Variants in ZFPM2 observed in about 807,000 individuals in gnomAD.
ZFPM2 encodes the protein zinc finger protein ZFPM2.
A neutral mutation model predicts 98.6 loss-of-function variants in ZFPM2; 20 were observed. That is an observed-to-expected ratio of 0.20 (90% CI 0.14 to 0.29). ZFPM2 has a LOEUF of 0.29. ZFPM2 is among the 10% of genes least tolerant of loss of function. ZFPM2 has a pLI of 1.00. For missense variants in ZFPM2, 1,310 were observed against 1,388.6 expected (o/e 0.94, Z 0.90); for synonymous variants, 518 against 502.7 (o/e 1.03, Z -0.41).
intron 5 of ZFPM2, among the ~76,000 whole-genome samples, chr8:105,727,437 A>G (rs1811838413): frequency 2.0e-5 from 3 of 151,832 alleles, no homozygotes; most frequent in African/African-American, 7.2e-5. Context: ...CTACTATGGT[A>G]ATTAATTGCT....
At chr8:105,463,436 A>G (rs1812739827) in intron 3 of ZFPM2, among the ~76,000 whole-genome samples, 1 of 151,814 alleles carries the variant, frequency 6.6e-6, no homozygotes, top group African/African-American at 2.4e-5. Flanking sequence ...TTTGTGTTAC[A>G]TGCTCTTTGA....
chr8:105,527,017 G>T (rs1198416453), intron 3 of ZFPM2, among the ~76,000 whole-genome samples: 1 of 152,020 alleles, frequency 6.6e-6, no homozygotes, highest in African/African-American at 2.4e-5. Context: ...TATTTCCTAG[G>T]GTTGTTATGA....
chr8:105,798,979 C>T (rs1251951329), intron 7 of ZFPM2, 31 bp downstream of exon 7: 3 of 1,545,294 alleles, frequency 1.9e-6, no homozygotes, highest in East Asian at 2.2e-5. Flanking sequence ...TTCTGTTGCT[C>T]CAGAAGACTC....
chr8:105,558,364 G>A (rs772872480), intron 3 of ZFPM2, among the ~76,000 whole-genome samples: 31 of 152,082 alleles, frequency 2.0e-4, no homozygotes, highest in Admixed American at 2.6e-4. Flanking sequence ...TAACTTGTTG[G>A]CAAGCAAGAA....
At chr8:105,680,545 C>T (rs1161644304) in intron 5 of ZFPM2, among the ~76,000 whole-genome samples, 1 of 152,140 alleles carries the variant, frequency 6.6e-6, no homozygotes, top group East Asian at 1.9e-4. Flanking sequence ...TAATTCATCT[C>T]TTTACTATCT....
At chr8:105,380,520 A>G (rs932998750) in intron 1 of ZFPM2, among the ~76,000 whole-genome samples, 3 of 139,888 alleles carry the variant, frequency 2.1e-5, no homozygotes, top group African/African-American at 8.0e-5. Context: ...ACTACTACAT[A>G]TGCACACCCG....
In ZFPM2 at chr8:105,331,962, C is replaced by A. The variant is rs146574279; in HGVS notation, c.40+12981C>A. Among the ~76,000 whole-genome samples the A allele has an allele frequency of 1.1e-3, 164 of 151,864 alleles. 1 individual carries two copies. The highest frequency in any genetic ancestry group is 3.8e-3 in the African/African-American group (159 of 41,506). Reference sequence around the variant, plus strand: ...TAATACCTAAACTTTTGATCATGGACTACCAGATCTGTTCCTTATGTCTGA... The same window carrying A: ...TAATACCTAAACTTTTGATCATGGAATACCAGATCTGTTCCTTATGTCTGA... On this transcript the variant is annotated intron_variant, in intron 1 of 7. Coordinates refer to ENST00000407775, the MANE Select transcript of ZFPM2 (RefSeq NM_012082.4).
chr8:105,405,742 G>A (rs979354558), intron 1 of ZFPM2, among the ~76,000 whole-genome samples: 5 of 152,028 alleles, frequency 3.3e-5, no homozygotes, highest in African/African-American at 9.7e-5. Flanking sequence ...ATAAACATAT[G>A]TGTGCATGTG....
At chr8:105,450,322 G>A (rs771887809) in intron 3 of ZFPM2, among the ~76,000 whole-genome samples, 3 of 152,092 alleles carry the variant, frequency 2.0e-5, no homozygotes, top group Non-Finnish European at 2.9e-5. Context: ...TCCAAAGAAG[G>A]GCTTGAAGAT....
chr8:105,654,509 G>T (rs1317132034), intron 5 of ZFPM2, among the ~76,000 whole-genome samples: 1 of 152,132 alleles, frequency 6.6e-6, no homozygotes, highest in Non-Finnish European at 1.5e-5. Context: ...TGGATTTGAA[G>T]TTTTGTGCCG....
intron 1 of ZFPM2, among the ~76,000 whole-genome samples, chr8:105,394,513 A>G (rs1180306587): frequency 6.6e-6 from 1 of 152,222 alleles, no homozygotes; most frequent in Non-Finnish European, 1.5e-5. Flanking sequence ...CACTGTATAG[A>G]ATGTAATTCA....
intron 5 of ZFPM2, among the ~76,000 whole-genome samples, chr8:105,660,565 A>G (rs1330643444): frequency 2.6e-5 from 4 of 152,238 alleles, no homozygotes; most frequent in African/African-American, 4.8e-5. Context: ...ATATTTGCAC[A>G]TATACACATG....
At chr8:105,547,979 A>G (rs553803780) in intron 3 of ZFPM2, among the ~76,000 whole-genome samples, 1 of 151,572 alleles carries the variant, frequency 6.6e-6, no homozygotes, top group South Asian at 2.1e-4. Flanking sequence ...AACCATGTGA[A>G]GTTTTGGTTT....
chr8:105,456,156 G>T (rs6469003), intron 3 of ZFPM2, among the ~76,000 whole-genome samples: 21,917 of 63,932 alleles, frequency 0.34, 3,403 homozygotes, highest in East Asian at 0.45. Context: ...GTTTTTTTTT[G>T]TTTGTTTGTT....
intron 4 of ZFPM2, among the ~76,000 whole-genome samples, chr8:105,599,153 C>T (rs1424887612): frequency 2.6e-5 from 4 of 152,044 alleles, no homozygotes; most frequent in African/African-American, 7.2e-5. Context: ...CCACCTTGCT[C>T]TCTTGAAATG....
chr8:105,438,776 C>A (rs570733988), intron 2 of ZFPM2, among the ~76,000 whole-genome samples: 3 of 152,286 alleles, frequency 2.0e-5, no homozygotes, highest in African/African-American at 7.2e-5. Context: ...AGTCCCCCCA[C>A]TGAAATACCT....
At chr8:105,710,947 T>C (rs1368690190) in intron 5 of ZFPM2, among the ~76,000 whole-genome samples, 1 of 152,132 alleles carries the variant, frequency 6.6e-6, no homozygotes. Context: ...CTTTACATTG[T>C]GATGTTGCTT....
chr8:105,637,186 A>T (rs1816862327), intron 5 of ZFPM2, among the ~76,000 whole-genome samples: 1 of 152,164 alleles, frequency 6.6e-6, no homozygotes, highest in Non-Finnish European at 1.5e-5. Flanking sequence ...CTAACAATAG[A>T]GCTAAATTCA....
At chr8:105,328,159 A>G (rs1258514293) in intron 1 of ZFPM2, among the ~76,000 whole-genome samples, 1 of 151,784 alleles carries the variant, frequency 6.6e-6, no homozygotes, top group Non-Finnish European at 1.5e-5. Context: ...GTATGCATTT[A>G]TTTGGATAAA....
Sources: gnomAD v4.1 joint callset for allele counts (sites outside exome capture counted in the v4.1 genomes callset) on GRCh38, gnomAD v4.1.1 for gene constraint, MANE v1.5 for transcripts, NCBI Gene and HGNC (gene_info 2026-07-23, HGNC 2026-07-21) for gene names.